ARMH4: variants seen among roughly 807,000 people sequenced by gnomAD.
ARMH4 encodes the protein armadillo like helical domain containing 4.
A neutral mutation model predicts 61.9 loss-of-function variants in ARMH4; 49 were observed. That is an observed-to-expected ratio of 0.79 (90% CI 0.63 to 1.00). The LOEUF (loss-of-function observed/expected upper bound fraction) is 1.00, where lower values mean the gene tolerates loss of function less well. Ranked by LOEUF, ARMH4 falls within the 50% of genes least tolerant of loss-of-function variation. The probability of loss-of-function intolerance (pLI) is 0.00; values close to 1 mark genes in which losing one functional copy is unlikely to be tolerated. For missense variants in ARMH4, 934 were observed against 930.0 expected, an observed-to-expected ratio of 1.00 and a Z score of -0.06; for synonymous variants, 368 against 341.5, an observed-to-expected ratio of 1.08 and a Z score of -0.85.
intron 5 of ARMH4, among the ~76,000 whole-genome samples, chr14:58,043,922 A>T (rs1367761243): frequency 6.6e-6 from 1 of 152,106 alleles, no homozygotes. Flanking sequence ...CTCTTCAAGG[A>T]GTTCAAGGAG....
At chr14:58,034,217 C>T (rs1883380582) in intron 5 of ARMH4, among the ~76,000 whole-genome samples, 2 of 135,768 alleles carry the variant, frequency 1.5e-5, no homozygotes, top group Non-Finnish European at 3.2e-5. Context: ...GGCAGAAACC[C>T]TACAAGCCAG....
chr14:58,078,158 A>G (rs1251793057), intron 5 of ARMH4, among the ~76,000 whole-genome samples: 2 of 152,164 alleles, frequency 1.3e-5, no homozygotes, highest in African/African-American at 4.8e-5. Context: ...AGAAATTAAA[A>G]CTACCAGCAG....
rs1882035657 is a variant in ARMH4 at position 58,003,088 on chromosome 14, A to G, written c.*1648T>C. 6.6e-6 allele frequency: 1 copy of G among 152,256 alleles called. No homozygotes were observed. The highest frequency in any genetic ancestry group is 1.9e-4 in the East Asian group (1 of 5,194). The allele number at this position is 152,256 out of a possible 1,614,324, so 9.4% of individuals were successfully genotyped here. A position where few individuals can be genotyped will look rare whatever the true frequency, so the allele number is the denominator to read the frequency against. Reference sequence around the variant, plus strand: ...GAAAGAACTTGTGTGTGAGTAAGAGAGAAATTAGAAAGGCATCATTCATTT... The same window carrying G: ...GAAAGAACTTGTGTGTGAGTAAGAGGGAAATTAGAAAGGCATCATTCATTT... On this transcript the variant is annotated 3_prime_UTR_variant, in exon 8 of 8. Coordinates refer to ENST00000267485, the MANE Select transcript of ARMH4 (RefSeq NM_001001872.4).
chr14:58,104,328 A>G (rs893509253), intron 4 of ARMH4, among the ~76,000 whole-genome samples: 1 of 152,244 alleles, frequency 6.6e-6, no homozygotes. Flanking sequence ...TTCTCCTTGT[A>G]CTACTAGCTT....
chr14:58,141,037 C>A (rs1482839001), intron 1 of ARMH4, among the ~76,000 whole-genome samples: 1 of 152,160 alleles, frequency 6.6e-6, no homozygotes, highest in African/African-American at 2.4e-5. Flanking sequence ...TGATCTTGGA[C>A]TTCCCAGTCT....
intron 6 of ARMH4, among the ~76,000 whole-genome samples, chr14:58,008,545 T>C (rs1882270118): frequency 1.3e-5 from 2 of 152,194 alleles, no homozygotes; most frequent in Admixed American, 1.3e-4. Flanking sequence ...ATAGCTGTCA[T>C]CAAGAAAGCC....
At chr14:58,099,409 C>T (rs1026157297) in intron 4 of ARMH4, among the ~76,000 whole-genome samples, 1 of 152,078 alleles carries the variant, frequency 6.6e-6, no homozygotes. Context: ...TGTGTGGTGT[C>T]AGGGAAGGCA....
At chr14:58,010,225 CAG>C (rs1031234878) in intron 6 of ARMH4, among the ~76,000 whole-genome samples, 1 of 143,582 alleles carries the variant, frequency 7.0e-6, no homozygotes, top group Non-Finnish European at 1.5e-5. Context: ...GATGGACAAA[CAG>C]AGAGTGAGGA....
intron 4 of ARMH4, among the ~76,000 whole-genome samples, chr14:58,130,997 A>G (rs1887073132): frequency 6.6e-6 from 1 of 152,196 alleles, no homozygotes; most frequent in Non-Finnish European, 1.5e-5. Context: ...TGATTCAGGC[A>G]CTGGGATGTT....
rs764225506 is a variant in ARMH4, at chr14:58,004,834, C to T, written c.2257-30G>A. The T allele has an allele frequency of 1.7e-5, 27 of 1,592,658 alleles. No individual in the cohort carries two copies. In the South Asian group the frequency reaches 2.2e-4, roughly 13 times the overall value. Reference sequence around the variant, plus strand: ...AGAAAGAAAACAGAAAAGCATTAAACTCTTTCTGCCACAGAGCAAAGCTGA... The same window carrying T: ...AGAAAGAAAACAGAAAAGCATTAAATTCTTTCTGCCACAGAGCAAAGCTGA... On this transcript the variant is annotated intron_variant, in intron 7 of 7. Transcript: ENST00000267485.
At chr14:58,078,647 G>A (rs748469028) in intron 5 of ARMH4, among the ~76,000 whole-genome samples, 6 of 152,240 alleles carry the variant, frequency 3.9e-5, no homozygotes, top group Non-Finnish European at 7.3e-5. Context: ...GAGTGAGATA[G>A]TAAATATTTT....
chr14:58,113,284 T>A (rs373210871), intron 4 of ARMH4, among the ~76,000 whole-genome samples: 2 of 152,228 alleles, frequency 1.3e-5, no homozygotes, highest in Non-Finnish European at 2.9e-5. Context: ...TATTGCTGCA[T>A]GTGGCAATCA....
chr14:58,080,986 C>T (rs1885205512), intron 5 of ARMH4, among the ~76,000 whole-genome samples: 1 of 151,902 alleles, frequency 6.6e-6, no homozygotes, highest in South Asian at 2.1e-4. Context: ...CCTGTAATCC[C>T]AGCTATTTGG....
chr14:58,148,373 C>T (rs1323613920), intron 1 of ARMH4, among the ~76,000 whole-genome samples: 1 of 152,182 alleles, frequency 6.6e-6, no homozygotes, highest in African/African-American at 2.4e-5. Context: ...GAGAATGACA[C>T]TGTACGACCC....
chr14:58,123,303 T>C (rs1364810925), intron 4 of ARMH4, among the ~76,000 whole-genome samples: 1 of 152,084 alleles, frequency 6.6e-6, no homozygotes, highest in Non-Finnish European at 1.5e-5. Context: ...AGAAGGACAA[T>C]ATGGATGAGC....
At chr14:58,056,683 A>G (rs1222990799) in intron 5 of ARMH4, among the ~76,000 whole-genome samples, 2 of 152,152 alleles carry the variant, frequency 1.3e-5, no homozygotes, top group East Asian at 3.8e-4. Context: ...AGAGTCAGAA[A>G]CCAGGTCCTG....
Position 58,050,240 on chromosome 14 carries a change from C to A in ARMH4, c.2090-38090G>T, listed in dbSNP as rs1182949434. Among the ~76,000 whole-genome samples the A allele has an allele frequency of 4.6e-5, 7 of 152,210 alleles. No individual in the cohort carries two copies. The East Asian group carries it at 1.3e-3, about 29-fold the overall frequency. On this transcript the variant is annotated intron_variant, in intron 5 of 7. Coordinates refer to ENST00000267485, the MANE Select transcript of ARMH4 (RefSeq NM_001001872.4). ...TAGGGCAACCCACCCTCTAGCCCTGCAGGTGCAGTGCTGTGGAAGGGGGCA... is the reference window on the plus strand; with the variant it reads ...TAGGGCAACCCACCCTCTAGCCCTGAAGGTGCAGTGCTGTGGAAGGGGGCA...
At chr14:58,076,776 C>T (rs970995319) in intron 5 of ARMH4, among the ~76,000 whole-genome samples, 2 of 152,128 alleles carry the variant, frequency 1.3e-5, no homozygotes, top group South Asian at 4.2e-4. Context: ...TGACAGCAGA[C>T]CTGACAAAGG....
At chr14:58,065,014 C>A (rs550683042) in intron 5 of ARMH4, among the ~76,000 whole-genome samples, 1 of 152,018 alleles carries the variant, frequency 6.6e-6, no homozygotes, top group African/African-American at 2.4e-5. Flanking sequence ...GAGGCCGAGG[C>A]GGGCAGATCA....
Sources: allele counts gnomAD v4.1 joint callset (sites outside exome capture counted in the v4.1 genomes callset), GRCh38; gene constraint gnomAD v4.1.1; transcripts MANE v1.5; gene names NCBI Gene and HGNC (gene_info 2026-07-23, HGNC 2026-07-21).